Variants in NHSL1 observed in about 807,000 individuals in gnomAD.
NHSL1 encodes the protein NHS like 1.
A neutral mutation model predicts 95.0 loss-of-function variants in NHSL1; 48 were observed. The observed-to-expected ratio is 0.51, with a 90% CI of 0.40 to 0.64. The LOEUF (loss-of-function observed/expected upper bound fraction) is 0.64. Ranked by LOEUF, NHSL1 falls within the 30% of genes least tolerant of loss-of-function variation. The pLI, the probability that NHSL1 is intolerant of heterozygous loss-of-function variation, is 0.00. For synonymous variants in NHSL1, 783 were observed against 833.9 expected, an observed-to-expected ratio of 0.94 and a Z score of 1.05; for missense variants, 1,971 against 2,077.7, an observed-to-expected ratio of 0.95 and a Z score of 1.00.
intron 1 of NHSL1, among the ~76,000 whole-genome samples, chr6:138,602,725 T>C (rs1208314332): frequency 2.0e-5 from 3 of 152,216 alleles, no homozygotes; most frequent in East Asian, 3.8e-4. Flanking sequence ...TAATTTTTTT[T>C]CCCAACAATA....
chr6:138,619,291 T>C (rs1457792952), intron 1 of NHSL1, among the ~76,000 whole-genome samples: 1 of 152,078 alleles, frequency 6.6e-6, no homozygotes, highest in African/African-American at 2.4e-5. Flanking sequence ...TGAGCCGAGA[T>C]CACGCCACTG....
chr6:138,521,841 A>G, intron 1 of NHSL1, among the ~76,000 whole-genome samples: 1 of 152,182 alleles, frequency 6.6e-6, no homozygotes, highest in Admixed American at 6.5e-5. Context: ...TAAAAACTTT[A>G]AAATTAGCCT....
chr6:138,670,069 C>T lies in NHSL1; in HGVS notation c.96+22407G>A, dbSNP rs539834310. On this transcript the variant is annotated intron_variant, in intron 1 of 3. Transcript: ENST00000491526. ...CCAGGAGGTGGAGGTTGCAGTGAGC[C>T]GAAATCACGCCACTGCACTCCAGCC... 1.4e-4 allele frequency among the ~76,000 whole-genome samples: 21 copies of T among 151,930 alleles called. No individual in the cohort carries two copies. The South Asian group carries it at 1.5e-3, about 11-fold the overall frequency.
At chr6:138,679,842 TTTCTCTG>T (rs1339388968) in intron 1 of NHSL1, among the ~76,000 whole-genome samples, 1 of 152,134 alleles carries the variant, frequency 6.6e-6, no homozygotes, top group Non-Finnish European at 1.5e-5. Flanking sequence ...AGGACACAAA[TTTCTCTG>T]TTCTCATGAA....
intron 1 of NHSL1, among the ~76,000 whole-genome samples, chr6:138,531,164 G>A (rs570489379): frequency 4.6e-5 from 7 of 151,994 alleles, no homozygotes; most frequent in Non-Finnish European, 8.8e-5. Flanking sequence ...CCCAGTCTAT[G>A]GTACTTTGTT....
intron 2 of NHSL1, 96 bp downstream of exon 2, chr6:138,496,123 A>C (rs1400348178): frequency 7.7e-7 from 1 of 1,290,486 alleles, no homozygotes; most frequent in African/African-American, 1.5e-5. Context: ...CTATACATTC[A>C]ATAAAAGTAG....
Position 138,608,949 on chromosome 6 carries a change from C to T in NHSL1, c.96+83527G>A, listed in dbSNP as rs1172908849. 5.3e-5 allele frequency among the ~76,000 whole-genome samples: 8 copies of T among 152,178 alleles called. No individual in the cohort carries two copies. In the East Asian group the frequency reaches 5.8e-4, roughly 11 times the overall value. On this transcript the variant is annotated intron_variant, in intron 1 of 3. Coordinates refer to the NHSL1 transcript ENST00000491526. ...CTACTCTGTTGGTTACTAGAAGATG[C>T]TAGGCATGTAAAGAGAAACTGGTTT...
intron 1 of NHSL1, among the ~76,000 whole-genome samples, chr6:138,646,069 A>G (rs1785017022): frequency 6.6e-6 from 1 of 152,242 alleles, no homozygotes; most frequent in African/African-American, 2.4e-5. Flanking sequence ...CAAGTTCTCA[A>G]GAACCTACAA....
chr6:138,651,067 C>T (rs1261711763), intron 1 of NHSL1: 4 of 380,174 alleles, frequency 1.1e-5, no homozygotes, highest in Non-Finnish European at 2.0e-5. Flanking sequence ...TGATAACATG[C>T]CATAAAACTC....
In NHSL1 at chr6:138,432,408, T is replaced by C; in HGVS notation, c.1937A>G (p.Lys646Arg). Residue 646 changes from lysine to arginine, a missense_variant, in exon 6 of 8, where the codon AAA (lysine) becomes AGA (arginine). Around this residue, in one of 3 missense-constraint regions of NHSL1, gnomAD observed 1,602 missense variants for 1,654.5 expected, o/e 0.97. Transcript: ENST00000343505. This position sits in a 1 kb window ranked among gnomAD's most constrained non-coding sequence, Gnocchi z 4.4. ...GTAATTGGACCGGTCCCCTTGGTTT[T>C]TCTGAGCTCTTCCAACAAAAACATT... ...VINVFVGRAQKNQGDRSNYQD... is the reference protein window; with the variant it reads ...VINVFVGRAQRNQGDRSNYQD... 1 of 1,552,278 alleles carries C rather than the reference T, an allele frequency of 6.4e-7. No individual in the cohort carries two copies. Among genetic ancestry groups the C allele is most frequent in the Non-Finnish European group, 8.7e-7 (1 of 1,147,100 alleles).
chr6:138,591,756 C>A (rs767539260), intron 1 of NHSL1, among the ~76,000 whole-genome samples: 3 of 152,090 alleles, frequency 2.0e-5, no homozygotes, highest in Non-Finnish European at 4.4e-5. Context: ...CAATTGAGCG[C>A]GGTTCTAAGT....
chr6:138,603,329 G>A (rs560960413), intron 1 of NHSL1, among the ~76,000 whole-genome samples: 62 of 152,210 alleles, frequency 4.1e-4, no homozygotes, highest in African/African-American at 1.5e-3. Context: ...GGATCACAGG[G>A]ATGAGCCAAC....
At chr6:138,495,515 G>C (rs79069336) in intron 2 of NHSL1, among the ~76,000 whole-genome samples, 2,017 of 152,248 alleles carry the variant, frequency 0.013, 115 homozygotes, top group East Asian at 0.13. Flanking sequence ...AATTGGTTTT[G>C]AATACTTACA....
At chr6:138,606,053 T>C (rs937444392) in intron 1 of NHSL1, among the ~76,000 whole-genome samples, 3 of 152,210 alleles carry the variant, frequency 2.0e-5, no homozygotes, top group Non-Finnish European at 2.9e-5. Context: ...ATCAATAACA[T>C]GGATGAAGGG....
At chr6:138,606,887 TA>T (rs1784441885) in intron 1 of NHSL1, among the ~76,000 whole-genome samples, 1 of 151,930 alleles carries the variant, frequency 6.6e-6, no homozygotes, top group African/African-American at 2.4e-5. Context: ...GTATTTTTAG[TA>T]GAGACGGGGT....
Position 138,424,279 on chromosome 6 carries a change from G to A in NHSL1, c.4623C>T (p.Arg1541=), listed in dbSNP as rs2128187032. 2 of 1,499,174 alleles carry A rather than the reference G, an allele frequency of 1.3e-6. No individual in the cohort carries two copies. Among genetic ancestry groups the A allele is most frequent in the East Asian group, 4.9e-5 (2 of 40,414 alleles). 92.9% of individuals were successfully genotyped at this position (1,499,174 alleles called of 1,614,324 possible). The change falls in exon 8 of 8, where the codon CGC becomes CGT. Residue 1541 remains arginine, a synonymous_variant. Transcript: ENST00000343505. This position sits in a 1 kb window ranked among gnomAD's most constrained non-coding sequence, Gnocchi z 5.9. ...EAVEPVDSIA[R]GALGAAEGCS... is the part of the protein sequence containing the mutation. ...ATCCCTCCGCAGCGCCCAGAGCCCCGCGGGCTATGCTGTCCACAGGCTCCA... is the reference window on the plus strand; with the variant it reads ...ATCCCTCCGCAGCGCCCAGAGCCCCACGGGCTATGCTGTCCACAGGCTCCA...
rs532510516 is a variant in NHSL1 at position 138,599,128 on chromosome 6, T to C, written c.96+93348A>G. 1.9e-3 allele frequency among the ~76,000 whole-genome samples: 282 copies of C among 152,330 alleles called. 3 individuals are homozygous for C. Among genetic ancestry groups the C allele is most frequent in the Middle Eastern group, 3.4e-3 (1 of 294 alleles). ...CAGAGTATAACCTAAGAAAACATTCTGAGCTACCTAATTGTTTTGGATTCT... is the reference window on the plus strand; with the variant it reads ...CAGAGTATAACCTAAGAAAACATTCCGAGCTACCTAATTGTTTTGGATTCT... On this transcript the variant is annotated intron_variant, in intron 1 of 3. Transcript: ENST00000491526.
At chr6:138,663,927 A>G (rs1464190737) in intron 1 of NHSL1, among the ~76,000 whole-genome samples, 1 of 152,232 alleles carries the variant, frequency 6.6e-6, no homozygotes, top group Non-Finnish European at 1.5e-5. Context: ...AGTTAACCAC[A>G]GATAATGAGG....
chr6:138,677,164 G>T (rs1785459378), intron 1 of NHSL1, among the ~76,000 whole-genome samples: 1 of 152,144 alleles, frequency 6.6e-6, no homozygotes, highest in South Asian at 2.1e-4. Context: ...TTTTTCTCAT[G>T]TTTATTCAAA....
Sources: allele counts gnomAD v4.1 joint callset (sites outside exome capture counted in the v4.1 genomes callset), GRCh38; gene constraint gnomAD v4.1.1; regional missense constraint gnomAD v4.1.1; non-coding constraint Gnocchi (gnomAD v3.1); transcripts MANE v1.5; gene names NCBI Gene and HGNC (gene_info 2026-07-23, HGNC 2026-07-21).